Variants in STS observed in about 807,000 individuals in gnomAD.
STS encodes steryl-sulfatase.
STS carries 7 observed loss-of-function variants against 26.8 expected under a neutral mutation model. The ratio of observed to expected loss-of-function variants is 0.26; its 90% CI spans 0.15 to 0.49. STS has a LOEUF of 0.49. Ranked by LOEUF, STS falls within the 20% of genes least tolerant of loss-of-function variation. The pLI is 0.98. For missense variants in STS, 434 were observed against 465.6 expected (o/e 0.93, Z 0.63); for synonymous variants, 199 against 189.4 (o/e 1.05, Z -0.42).
chrX:7,264,546 A>G (rs1489433663), intron 6 of STS, among the ~76,000 whole-genome samples: 1 of 111,713 alleles, frequency 9.0e-6, no homozygotes, highest in Admixed American at 9.5e-5. Context: ...GCAGGTAGAC[A>G]AAGAAGGGAA....
At chrX:7,186,483 G>A (rs1307934820) in intron 1 of STS, among the ~76,000 whole-genome samples, 1 of 111,404 alleles carries the variant, frequency 9.0e-6, no homozygotes, top group African/African-American at 3.3e-5. Flanking sequence ...TGGTCATGTT[G>A]AACTGGTGAA....
At position 7,150,472 on chromosome X, in the gene STS, C is replaced by T. The variant is rs763395815; in HGVS notation, c.-134+2389C>T. ...TCCTGACCTAGTGATCTGCCCACCT[C>T]GGCTTCCCAAAGTGCTGGAATTACA... On this transcript the variant is annotated intron_variant, in intron 1 of 10. Coordinates refer to ENST00000674429, the MANE Select transcript of STS (RefSeq NM_001320752.2). Among the ~76,000 whole-genome samples the T allele has an allele frequency of 1.3e-4, 14 of 111,206 alleles. No individual in the cohort carries two copies. In the South Asian group the frequency reaches 1.9e-3, roughly 15 times the overall value.
At chrX:7,148,365 T>G (rs1414498707) in intron 1 of STS, among the ~76,000 whole-genome samples, 1 of 112,706 alleles carries the variant, frequency 8.9e-6, no homozygotes, top group Non-Finnish European at 1.9e-5. Context: ...GCTGTATGTT[T>G]ACCCGCATCA....
chrX:7,320,180 A>G (rs1453733644), intron 8 of STS, among the ~76,000 whole-genome samples: 2 of 99,020 alleles, frequency 2.0e-5, no homozygotes, highest in Non-Finnish European at 4.0e-5. Context: ...TTTATTTTAT[A>G]TATATATAAA....
intron 3 of STS, 150 bp downstream of exon 3, chrX:7,253,486 G>C: frequency 1.2e-6 from 1 of 802,077 alleles, no homozygotes; most frequent in Non-Finnish European, 1.8e-6. Flanking sequence ...ACACTGAGAT[G>C]TAGGTGTCAT....
chrX:7,288,157 C>T (rs865801224), intron 7 of STS, among the ~76,000 whole-genome samples: 1 of 99,627 alleles, frequency 1.0e-5, no homozygotes. Flanking sequence ...TTTTTCCTGC[C>T]TTTTTTTTTT....
chrX:7,310,349 C>A lies in STS; in HGVS notation c.1081+5166C>A, dbSNP rs758518375. On this transcript the variant is annotated intron_variant, in intron 8 of 10. Transcript: ENST00000674429. ...AGAGGATTTAAGATTTCTATGCAAT[C>A]CTTAACTCTTTCTAGGAAATTTAGT... 8.9e-5 allele frequency among the ~76,000 whole-genome samples: 10 copies of A among 112,122 alleles called. No individual in the cohort carries two copies. The East Asian group carries it at 2.5e-3, about 28-fold the overall frequency.
intron 9 of STS, among the ~76,000 whole-genome samples, chrX:7,327,907 A>G (rs1462774173): frequency 8.9e-6 from 1 of 112,050 alleles, no homozygotes; most frequent in Non-Finnish European, 1.9e-5. Context: ...CATTATTAGT[A>G]CAGTTCTTTC....
At chrX:7,296,276 A>G (rs1437586622) in intron 7 of STS, among the ~76,000 whole-genome samples, 9 of 112,147 alleles carry the variant, frequency 8.0e-5, no homozygotes, top group African/African-American at 2.9e-4. Flanking sequence ...GTTACCTCCC[A>G]GGGCAAGTTC....
At position 7,187,678 on chromosome X, in the gene STS, A is replaced by G. The variant is rs112158425; in HGVS notation, c.-133-3202A>G. 3.9e-3 allele frequency among the ~76,000 whole-genome samples: 439 copies of G among 112,153 alleles called. 2 individuals are homozygous for G. Among genetic ancestry groups the G allele is most frequent in the African/African-American group, 0.014 (423 of 30,870 alleles). The stretch of plus-strand genomic sequence containing the variant: ...TGAAGTCACAACAAAGTAACACAAT[A>G]CTAATGAACAGCAGAAGCTGGTAGG... On this transcript the variant is annotated intron_variant, in intron 1 of 10. Transcript: ENST00000674429.
chrX:7,148,713 G>A (rs1932942011), intron 1 of STS, among the ~76,000 whole-genome samples: 1 of 112,202 alleles, frequency 8.9e-6, no homozygotes, highest in South Asian at 3.7e-4. Flanking sequence ...TGAACCGGCA[G>A]CCGCGCATGC....
At chrX:7,250,156 G>A (rs780609550) in intron 2 of STS, among the ~76,000 whole-genome samples, 4 of 110,354 alleles carry the variant, frequency 3.6e-5, no homozygotes, top group Non-Finnish European at 5.7e-5. Context: ...TCCAACTCCT[G>A]AGCTCCCCCA....
At chrX:7,257,999 T>G (rs1385961361) in intron 5 of STS, among the ~76,000 whole-genome samples, 1 of 88,663 alleles carries the variant, frequency 1.1e-5, no homozygotes. Flanking sequence ...GAGACAAAGG[T>G]GAGATAGATG....
intron 2 of STS, among the ~76,000 whole-genome samples, chrX:7,209,999 C>T (rs1205366165): frequency 6.3e-5 from 7 of 111,541 alleles, no homozygotes; most frequent in African/African-American, 2.3e-4. Flanking sequence ...TGTATATGTA[C>T]CACTTTTCTT....
chrX:7,204,350 C>G (rs190126445), intron 2 of STS, among the ~76,000 whole-genome samples: 42 of 111,528 alleles, frequency 3.8e-4, no homozygotes, highest in African/African-American at 1.3e-3. Flanking sequence ...TCTTTGATTT[C>G]CTGGTGAGGT....
chrX:7,175,476 A>C (rs1453350308), intron 1 of STS, among the ~76,000 whole-genome samples: 1 of 98,620 alleles, frequency 1.0e-5, no homozygotes, highest in Non-Finnish European at 2.0e-5. Context: ...CCTAGGAGAC[A>C]GAGTGAGACC....
chrX:7,263,774 T>C (rs1281046308), intron 6 of STS, among the ~76,000 whole-genome samples: 2 of 109,920 alleles, frequency 1.8e-5, no homozygotes, highest in South Asian at 3.9e-4. Flanking sequence ...TGTGTATATA[T>C]ATATGTATGT....
chrX:7,288,015 A>C (rs1265969535), intron 7 of STS, among the ~76,000 whole-genome samples: 1 of 110,377 alleles, frequency 9.1e-6, no homozygotes, highest in Non-Finnish European at 1.9e-5. Flanking sequence ...GGGTTAGTAC[A>C]GTGTTGTATT....
intron 2 of STS, among the ~76,000 whole-genome samples, chrX:7,217,737 C>T (rs1280069094): frequency 1.8e-5 from 2 of 111,099 alleles, no homozygotes; most frequent in African/African-American, 6.6e-5. Context: ...AGAGCAAAGC[C>T]GCTGCTTCAC....
Sources: allele counts gnomAD v4.1 joint callset (sites outside exome capture counted in the v4.1 genomes callset), GRCh38; gene constraint gnomAD v4.1.1; transcripts MANE v1.5; gene names NCBI Gene and HGNC (gene_info 2026-07-23, HGNC 2026-07-21).